The following ZSCAN12 variants were observed in gnomAD, a reference collection of about 807,000 sequenced individuals.
The protein encoded by ZSCAN12 is zinc finger and SCAN domain-containing protein 12.
ZSCAN12 carries 18 observed loss-of-function variants against 23.4 expected under a neutral mutation model. The observed-to-expected ratio is 0.77, with a 90% confidence interval of 0.53 to 1.14. ZSCAN12 has a LOEUF of 1.14. Ranked by LOEUF, ZSCAN12 falls within the 50% of genes most tolerant of loss-of-function variation. The probability of loss-of-function intolerance (pLI) is 0.00; values close to 1 mark genes in which losing one functional copy is unlikely to be tolerated. For synonymous variants in ZSCAN12, 186 were observed against 253.4 expected (o/e 0.73, Z 2.53); for missense variants, 650 against 735.0 (o/e 0.88, Z 1.34).
chr6:28,394,582 G>A (rs1761014548), intron 2 of ZSCAN12, among the ~76,000 whole-genome samples: 1 of 152,156 alleles, frequency 6.6e-6, no homozygotes, highest in Non-Finnish European at 1.5e-5. Context: ...GGGATCTCTG[G>A]TCAGGCCTCA....
chr6:28,388,713 C>T lies in ZSCAN12; in HGVS notation c.*1741G>A, dbSNP rs1215557923. Reference sequence around the variant, plus strand: ...CCCTTTTGTCACTGTCTCACCACTTCAAACCCACTAACCAGCTAGAAGTGT... The same window carrying T: ...CCCTTTTGTCACTGTCTCACCACTTTAAACCCACTAACCAGCTAGAAGTGT... On this transcript the variant is annotated 3_prime_UTR_variant, in exon 4 of 4. Coordinates refer to ENST00000684592, the MANE Select transcript of ZSCAN12 (RefSeq NM_001163391.2). Among the ~76,000 whole-genome samples the T allele has an allele frequency of 6.6e-6, 1 of 152,174 alleles. No individual in the cohort carries two copies. Among genetic ancestry groups the T allele is most frequent in the Non-Finnish European group, 1.5e-5 (1 of 68,030 alleles).
In ZSCAN12 at chr6:28,398,344, A is replaced by G. The variant is rs781595610; in HGVS notation, c.62T>C (p.Ile21Thr). The change falls in exon 2 of 4, where the codon ATA becomes ACA. Residue 21 changes from isoleucine to threonine, a missense_variant. Coordinates refer to ENST00000684592, the MANE Select transcript of ZSCAN12 (RefSeq NM_001163391.2). ...MDQDEPLEVK[I>T]EEEKYTTRQD... ...TCTGGTGGTATATTTCTCTTCCTCT[A>G]TCTTTACTTCCAAAGGTTCATCCTG... 7.1e-6 allele frequency: 11 copies of G among 1,553,264 alleles called. No individual in the cohort carries two copies. Among genetic ancestry groups the G allele is most frequent in the Middle Eastern group, 1.7e-4 (1 of 6,018 alleles).
At chr6:28,380,275 T>C (rs1389397024), downstream of ZSCAN12, 2 of 152,202 alleles carry the variant, frequency 1.3e-5, no homozygotes, top group Non-Finnish European at 1.5e-5. Flanking sequence ...TCACTGATTT[T>C]TCCCAAGTTC....
At chr6:28,397,454 T>C (rs2114000089) in intron 2 of ZSCAN12, among the ~76,000 whole-genome samples, 1 of 152,332 alleles carries the variant, frequency 6.6e-6, no homozygotes, top group African/African-American at 2.4e-5. Context: ...TCCTGGACAC[T>C]ATCTCAACTC....
chr6:28,384,843 T>G lies in ZSCAN12; in HGVS notation c.*5611A>C, dbSNP rs1053630940. Among the ~76,000 whole-genome samples, 2 of 152,132 alleles carry G rather than the reference T, an allele frequency of 1.3e-5. No individual in the cohort carries two copies. Among genetic ancestry groups the G allele is most frequent in the African/African-American group, 4.8e-5 (2 of 41,430 alleles). On this transcript the variant is annotated 3_prime_UTR_variant, in exon 4 of 4. Coordinates refer to ENST00000684592, the MANE Select transcript of ZSCAN12 (RefSeq NM_001163391.2). Reference sequence around the variant, plus strand: ...CACAGAACGTTTGAGAGGGAGAGGATCCAAAGAAATTCCAATAAAATGAGC... The same window carrying G: ...CACAGAACGTTTGAGAGGGAGAGGAGCCAAAGAAATTCCAATAAAATGAGC...
Position 28,391,007 on chromosome 6 carries a change from G to A in ZSCAN12, c.1283C>T (p.Ser428Phe), listed in dbSNP as rs752865624. The part of the protein sequence containing the change: ...ECGKAFVYNS[S>F]LVSHQEIHHK... ...GTGGATTTCCTGATGGGAAACAAGG[G>A]ATGAGTTATAAACAAAGGCTTTTCC... The change falls in exon 4 of 4, where the codon TCC becomes TTC. Residue 428 changes from serine (S) to phenylalanine (F), a missense_variant. Ser to Phe is a radical substitution (Grantham distance 155). Coordinates refer to ENST00000684592, the MANE Select transcript of ZSCAN12 (RefSeq NM_001163391.2). This position sits in a 1 kb window ranked among gnomAD's most constrained non-coding sequence, Gnocchi z 4.1. 6.4e-7 allele frequency: 1 copy of A among 1,556,556 alleles called. No individual in the cohort carries two copies. Among genetic ancestry groups the A allele is most frequent in the Non-Finnish European group, 8.7e-7 (1 of 1,149,512 alleles).
Position 28,387,513 on chromosome 6 carries a change from A to C in ZSCAN12, c.*2941T>G, listed in dbSNP as rs1374687986. 6.6e-6 allele frequency among the ~76,000 whole-genome samples: 1 copy of C among 152,228 alleles called. No homozygotes were observed. The highest frequency in any genetic ancestry group is 2.4e-5 in the African/African-American group (1 of 41,454). ...GGAGAACATTCTCACACAGGTTCTC[A>C]TCACTAAGTAAAGTCCCCTCCACTG... On this transcript the variant is annotated 3_prime_UTR_variant, in exon 4 of 4. Coordinates refer to ENST00000684592, the MANE Select transcript of ZSCAN12 (RefSeq NM_001163391.2).
Position 28,391,363 on chromosome 6 carries a change from T to C in ZSCAN12, c.927A>G (p.Lys309=), listed in dbSNP as rs1189179005. The C allele has an allele frequency of 6.4e-7, 1 of 1,551,768 alleles. No homozygotes were observed. Among genetic ancestry groups the C allele is most frequent in the Non-Finnish European group, 8.7e-7 (1 of 1,146,816 alleles). The change falls in exon 4 of 4, where the codon AAA becomes AAG. Residue 309 remains lysine, a synonymous_variant. Transcript: ENST00000684592. The surrounding 1 kb of genome is among the most constrained non-coding windows in gnomAD (Gnocchi z 4.1). ...DRPYKCEECG[K]AFRGRTVLIR... is the part of the protein sequence containing the mutation. ...TAAGCACAGTTCTCCCACGGAAAGC[T>C]TTTCCACATTCTTCGCATTTGTAGG... is the stretch of plus-strand genomic sequence containing the variant.
At chr6:28,382,476 C>T, downstream of ZSCAN12, 1 of 1,548,952 alleles carries the variant, frequency 6.5e-7, no homozygotes, top group Non-Finnish European at 8.7e-7. Context: ...TCTTCCTTTA[C>T]CATCAGTCAC....
chr6:28,396,908 G>C (rs1044863517), intron 2 of ZSCAN12, among the ~76,000 whole-genome samples: 3 of 152,170 alleles, frequency 2.0e-5, no homozygotes, highest in African/African-American at 7.2e-5. Flanking sequence ...CTGGCCTCAT[G>C]ATCCTATTTC....
In ZSCAN12 at chr6:28,391,644, C is replaced by T; in HGVS notation, c.646G>A (p.Asp216Asn). 1 of 1,551,916 alleles carries T rather than the reference C, an allele frequency of 6.4e-7. No homozygotes were observed. Among genetic ancestry groups the T allele is most frequent in the Non-Finnish European group, 8.7e-7 (1 of 1,147,104 alleles). ...CCACACCTAGCAGACTTGGACATATCATTTTCAAATTTACTGGATGTCTTC... is the reference window on the plus strand; with the variant it reads ...CCACACCTAGCAGACTTGGACATATTATTTTCAAATTTACTGGATGTCTTC... The part of the protein sequence containing the change: ...HGKTSSKFEN[D>N]MSKSARCGET... The change falls in exon 4 of 4, where the codon GAT becomes AAT. Residue 216 changes from aspartate to asparagine, a missense_variant. Asp to Asn is a conservative substitution (Grantham distance 23). Coordinates refer to ENST00000684592, the MANE Select transcript of ZSCAN12 (RefSeq NM_001163391.2). The surrounding 1 kb of genome is among the most constrained non-coding windows in gnomAD (Gnocchi z 4.1).
rs564441145 is a variant in ZSCAN12 at position 28,395,245 on chromosome 6, G to A, written c.403-2199C>T. Among the ~76,000 whole-genome samples the A allele has an allele frequency of 1.3e-4, 20 of 152,046 alleles. No individual in the cohort carries two copies. In the South Asian group the frequency reaches 3.1e-3, roughly 24 times the overall value. ...CCACCGTGCCTGGCCCAAACCCTAA[G>A]TTTTGATTCCTGTCTTTCCACCCCA... is the stretch of plus-strand genomic sequence containing the variant. On this transcript the variant is annotated intron_variant, in intron 2 of 3. Coordinates refer to ENST00000684592, the MANE Select transcript of ZSCAN12 (RefSeq NM_001163391.2).
intron 1 of ZSCAN12, 86 bp downstream of exon 1, chr6:28,399,571 C>G (rs1561966809): frequency 6.6e-6 from 1 of 152,522 alleles, no homozygotes; most frequent in Non-Finnish European, 1.5e-5. Context: ...CACTCTGCAC[C>G]GGCCAGGGCC....
downstream of ZSCAN12, chr6:28,381,483 C>A (rs1760235944): frequency 6.6e-6 from 1 of 152,088 alleles, no homozygotes; most frequent in Non-Finnish European, 1.5e-5. Context: ...AAGAAAGCAA[C>A]ACTCTGAAGC....
rs761546148 is a variant in ZSCAN12, at chr6:28,390,775, C to CG, written c.1514dup (p.Phe506ValfsTer23). 6.2e-6 allele frequency: 10 copies of CG among 1,604,428 alleles called. No homozygotes were observed. In the African/African-American group the frequency reaches 1.2e-4, roughly 19 times the overall value. The stretch of plus-strand genomic sequence containing the variant: ...CCGTGAGGACTGATCTTTGAGTAAA[C>CG]GCCTTCCCACACTTATCACATTTAT... On this transcript the variant is annotated frameshift_variant, in exon 4 of 4. Transcript: ENST00000684592. LOFTEE classifies it low-confidence loss of function (END_TRUNC).
Position 28,385,486 on chromosome 6 carries a change from C to A in ZSCAN12, c.*4968G>T, listed in dbSNP as rs1760497047. On this transcript the variant is annotated 3_prime_UTR_variant, in exon 4 of 4. Coordinates refer to ENST00000684592, the MANE Select transcript of ZSCAN12 (RefSeq NM_001163391.2). Reference sequence around the variant, plus strand: ...AATGACTGGAGATAAAAAGTTTTTACAGATAATTACTCAAGACACTGAATT... The same window carrying A: ...AATGACTGGAGATAAAAAGTTTTTAAAGATAATTACTCAAGACACTGAATT... 6.6e-6 allele frequency among the ~76,000 whole-genome samples: 1 copy of A among 152,118 alleles called. No individual in the cohort carries two copies. Among genetic ancestry groups the A allele is most frequent in the African/African-American group, 2.4e-5 (1 of 41,406 alleles).
rs1760627498 is a variant in ZSCAN12, at chr6:28,387,832, A to C, written c.*2622T>G. On this transcript the variant is annotated 3_prime_UTR_variant, in exon 4 of 4. Transcript: ENST00000684592. ...GTCTGTGGTCATAGGTCACCTCTTC[A>C]TCCCAACTCTGTCCTCTTCCCTTTG... Among the ~76,000 whole-genome samples the C allele has an allele frequency of 6.6e-6, 1 of 152,170 alleles. No homozygotes were observed. The highest frequency in any genetic ancestry group is 2.4e-5 in the African/African-American group (1 of 41,448).
rs780365466 is a variant in ZSCAN12, at chr6:28,388,330, CAGAA to C, written c.*2120_*2123del. Among the ~76,000 whole-genome samples the C allele has an allele frequency of 6.8e-4, 104 of 152,290 alleles. No homozygotes were observed. Among genetic ancestry groups the C allele is most frequent in the Non-Finnish European group, 1.3e-3 (86 of 68,022 alleles). On this transcript the variant is annotated 3_prime_UTR_variant, in exon 4 of 4. Transcript: ENST00000684592. ...GTGAACTCAAGAAGGTTTTTCCACA[CAGAA>C]AGTCATGTAAGTTCCAATCCCAGAA...
Position 28,392,912 on chromosome 6 carries a change from T to C in ZSCAN12, c.537A>G (p.Gln179=). 8 of 1,552,212 alleles carry C rather than the reference T, an allele frequency of 5.2e-6. No individual in the cohort carries two copies. The highest frequency in any genetic ancestry group is 2.7e-5 in the African/African-American group (2 of 73,150). The change falls in exon 3 of 4, where the codon CAA becomes CAG. Residue 179 remains glutamine, a synonymous_variant. Coordinates refer to ENST00000684592, the MANE Select transcript of ZSCAN12 (RefSeq NM_001163391.2). ...GTCTTTCTTCTTTACCTTGCTCCTG[T>C]TGGGATTCAAGTTCTGGAGATTCAT... ...PKYESPELES[Q]QEQVLDVETG... is the part of the protein sequence containing the mutation.
Sources: gnomAD v4.1 joint callset for allele counts (sites outside exome capture counted in the v4.1 genomes callset) on GRCh38, gnomAD v4.1.1 for gene constraint, Gnocchi (gnomAD v3.1) non-coding constraint, MANE v1.5 for transcripts, NCBI Gene and HGNC (gene_info 2026-07-23, HGNC 2026-07-21) for gene names.